HSF5: variants seen among roughly 807,000 people sequenced by gnomAD.
HSF5 encodes the protein heat shock factor protein 5.
A neutral mutation model predicts 50.8 loss-of-function variants in HSF5; 5 were observed. That is an observed-to-expected ratio of 0.10 (90% CI 0.05 to 0.21). The LOEUF is 0.21. Among genes scored for constraint, HSF5 ranks in the 10% least tolerant of loss-of-function variants. The pLI is 1.00. For missense variants in HSF5, 564 were observed against 762.6 expected, an observed-to-expected ratio of 0.74 and a Z score of 3.07; for synonymous variants, 307 against 307.4, an observed-to-expected ratio of 1.00 and a Z score of 0.02.
intron 5 of HSF5, among the ~76,000 whole-genome samples, chr17:58,436,332 T>A (rs1391273502): frequency 1.3e-5 from 2 of 150,130 alleles, no homozygotes; most frequent in Non-Finnish European, 3.0e-5. Flanking sequence ...CTGCCTACAC[T>A]TTAATTAAAA....
intron 5 of HSF5, among the ~76,000 whole-genome samples, chr17:58,423,980 T>C (rs1974258160): frequency 6.6e-6 from 1 of 152,212 alleles, no homozygotes; most frequent in Non-Finnish European, 1.5e-5. Flanking sequence ...CTACTACCAC[T>C]TGGTAGAAAA....
chr17:58,430,332 A>G (rs921722463), intron 5 of HSF5, among the ~76,000 whole-genome samples: 1 of 152,136 alleles, frequency 6.6e-6, no homozygotes, highest in Non-Finnish European at 1.5e-5. Context: ...TCAGCCTCCC[A>G]AAGTACTAGG....
At chr17:58,461,275 C>T (rs1047382213) in intron 4 of HSF5, among the ~76,000 whole-genome samples, 4 of 151,196 alleles carry the variant, frequency 2.6e-5, no homozygotes, top group African/African-American at 7.3e-5. Context: ...CATAATGGGC[C>T]TATATTTTGT....
At chr17:58,425,152 A>G (rs774952476) in intron 5 of HSF5, among the ~76,000 whole-genome samples, 11 of 152,024 alleles carry the variant, frequency 7.2e-5, no homozygotes, top group Non-Finnish European at 1.6e-4. Flanking sequence ...TAATCCCAGT[A>G]TTTTGGGAGG....
intron 2 of HSF5, among the ~76,000 whole-genome samples, chr17:58,475,962 C>A (rs997520283): frequency 1.3e-5 from 2 of 151,930 alleles, no homozygotes; most frequent in Non-Finnish European, 1.5e-5. Context: ...TATTTCCCCC[C>A]AAATAAGTTG....
At chr17:58,477,311 G>A (rs1179193369) in intron 2 of HSF5, among the ~76,000 whole-genome samples, 4 of 150,620 alleles carry the variant, frequency 2.7e-5, no homozygotes, top group Admixed American at 6.6e-5. Flanking sequence ...TGGTAGAGAC[G>A]GGGTTTCACT....
intron 1 of HSF5, among the ~76,000 whole-genome samples, chr17:58,486,115 G>A (rs1975174647): frequency 6.6e-6 from 1 of 151,750 alleles, no homozygotes; most frequent in South Asian, 2.1e-4. Context: ...TGTAATCCCA[G>A]CACTTTGGGA....
intron 5 of HSF5, among the ~76,000 whole-genome samples, chr17:58,448,029 C>T (rs893826351): frequency 1.3e-5 from 2 of 149,160 alleles, no homozygotes; most frequent in African/African-American, 2.5e-5. Flanking sequence ...AGCTACTTGG[C>T]AGGCTGAGAC....
At chr17:58,478,270 A>AAAAT (rs147965552) in intron 2 of HSF5, among the ~76,000 whole-genome samples, 32,692 of 129,760 alleles carry the variant, frequency 0.25, 4,218 homozygotes, top group Middle Eastern at 0.3. Context: ...TGTCTCTACT[A>AAAAT]AAATAAATAA....
intron 1 of HSF5, among the ~76,000 whole-genome samples, chr17:58,480,700 C>CA (rs1007073295): frequency 3.3e-5 from 5 of 151,784 alleles, no homozygotes; most frequent in Admixed American, 1.3e-4. Context: ...AGCTCTCCAC[C>CA]AAAAAATAAA....
At chr17:58,477,522 C>G (rs1388355606) in intron 2 of HSF5, among the ~76,000 whole-genome samples, 1 of 149,826 alleles carries the variant, frequency 6.7e-6, no homozygotes, top group African/African-American at 2.5e-5. Flanking sequence ...TGCAGTGGCG[C>G]GATCTCGGCT....
chr17:58,458,814 G>C lies in HSF5; in HGVS notation c.1674C>G (p.Ala558=). 3 of 1,614,074 alleles carry C rather than the reference G, an allele frequency of 1.9e-6. No homozygotes were observed. Among genetic ancestry groups the C allele is most frequent in the Non-Finnish European group, 2.5e-6 (3 of 1,179,980 alleles). Residue 558 remains alanine, a synonymous_variant, in exon 5 of 6, where the codon GCC becomes GCG. Coordinates refer to ENST00000323777, the MANE Select transcript of HSF5 (RefSeq NM_001080439.3). ...PSEDTGLATP[A]RYREHRSNSQ... is the part of the protein sequence containing the mutation. ...AGTTGCTTCTGTGCTCTCTGTATCT[G>C]GCTGGAGTGGCTAAACCTGTGTCTT...
intron 5 of HSF5, among the ~76,000 whole-genome samples, chr17:58,446,078 A>C (rs1448828963): frequency 1.3e-5 from 2 of 150,434 alleles, no homozygotes; most frequent in African/African-American, 4.9e-5. Flanking sequence ...CAGAGGTTGC[A>C]GTGAGCCAAA....
In HSF5 at chr17:58,458,731, T is replaced by C. The variant is rs1251939075; in HGVS notation, c.1720+37A>G. 4 of 1,536,018 alleles carry C rather than the reference T, an allele frequency of 2.6e-6. No homozygotes were observed. In the African/African-American group the frequency reaches 5.5e-5, roughly 21 times the overall value. ...TTCATATATTAATTCTACAGCGTGA[T>C]TCTACTTCTGGCATTCTAGAGCACA... On this transcript the variant is annotated intron_variant, in intron 5 of 5. Transcript: ENST00000323777.
Position 58,487,878 on chromosome 17 carries a change from C to T in HSF5, c.397G>A (p.Ala133Thr). Residue 133 changes from alanine to threonine, a missense_variant, in exon 1 of 6, where the codon GCC becomes ACC. Around this residue, in one of 5 missense-constraint regions of HSF5, gnomAD observed 21 missense variants for 75.9 expected, o/e 0.28. Coordinates refer to ENST00000323777, the MANE Select transcript of HSF5 (RefSeq NM_001080439.3). ...CCGGCCGCCAGCTTGGCCTTGTTGG[C>T]GCTGGTGAGGCGCTTGAGGTGCACG... ...LLVHLKRLTS[A>T]NKAKLAAGLE... 1 of 1,606,472 alleles carries T rather than the reference C, an allele frequency of 6.2e-7. No homozygotes were observed.
intron 5 of HSF5, among the ~76,000 whole-genome samples, chr17:58,457,980 G>C (rs1224055928): frequency 6.6e-6 from 1 of 152,112 alleles, no homozygotes; most frequent in Non-Finnish European, 1.5e-5. Context: ...TTACTTTTTG[G>C]AAAAATTCTC....
At chr17:58,423,811 A>T (rs1245028764) in intron 5 of HSF5, among the ~76,000 whole-genome samples, 1 of 152,076 alleles carries the variant, frequency 6.6e-6, no homozygotes. Flanking sequence ...TTTGAAGTTT[A>T]CAACTTTGCT....
At chr17:58,463,327 G>A in intron 3 of HSF5, 24 bp from the exon 4 acceptor site, 2 of 1,574,282 alleles carry the variant, frequency 1.3e-6, no homozygotes, top group Non-Finnish European at 1.7e-6. Context: ...AAATATAACT[G>A]TTTGGATAGA....
chr17:58,482,089 AG>A (rs1975105339), intron 1 of HSF5, among the ~76,000 whole-genome samples: 1 of 149,484 alleles, frequency 6.7e-6, no homozygotes, highest in African/African-American at 2.5e-5. Flanking sequence ...TGGATGACAG[AG>A]TGAGATCCTA....
Sources: gnomAD v4.1 joint callset for allele counts (sites outside exome capture counted in the v4.1 genomes callset) on GRCh38, gnomAD v4.1.1 for gene constraint, gnomAD v4.1.1 regional missense constraint, MANE v1.5 for transcripts, NCBI Gene and HGNC (gene_info 2026-07-23, HGNC 2026-07-21) for gene names.